The following ZC3H8 variants were observed in gnomAD, a reference collection of about 807,000 sequenced individuals.
The protein encoded by ZC3H8 is zinc finger CCCH domain-containing protein 8.
In ZC3H8, 27 loss-of-function variants were observed where a neutral mutation model predicts 42.5. The ratio of observed to expected loss-of-function variants is 0.64; its 90% CI spans 0.47 to 0.88. ZC3H8 has a LOEUF of 0.88. Among genes scored for constraint, ZC3H8 ranks in the 40% least tolerant of loss-of-function variants. ZC3H8 has a pLI of 0.00. For synonymous variants in ZC3H8, 101 were observed against 110.1 expected (o/e 0.92, Z 0.52); for missense variants, 277 against 336.1 (o/e 0.82, Z 1.37).
intron 8 of ZC3H8, among the ~76,000 whole-genome samples, chr2:112,226,744 G>A (rs900720711): frequency 2.6e-5 from 4 of 151,872 alleles, no homozygotes; most frequent in Non-Finnish European, 5.9e-5. Context: ...ACGAAAGCCA[G>A]AAAAAGACAT....
chr2:112,247,765 C>G (rs1242456624), intron 2 of ZC3H8, among the ~76,000 whole-genome samples: 2 of 152,206 alleles, frequency 1.3e-5, no homozygotes, highest in East Asian at 3.9e-4. Context: ...TTGTTTCTGC[C>G]TGTCTGCTGT....
chr2:112,228,317 C>T (rs939990379), intron 8 of ZC3H8, among the ~76,000 whole-genome samples: 1 of 152,038 alleles, frequency 6.6e-6, no homozygotes, highest in Non-Finnish European at 1.5e-5. Flanking sequence ...ACCTGGCCAA[C>T]ATAGTGAAAG....
intron 2 of ZC3H8, 76 bp downstream of exon 2, chr2:112,250,115 T>G (rs1451271503): frequency 1.1e-5 from 12 of 1,118,620 alleles, no homozygotes; most frequent in Non-Finnish European, 1.5e-5. Flanking sequence ...TGTTTTTTCT[T>G]TTTTTGTTGT....
At chr2:112,217,095 G>A (rs571390387) in intron 8 of ZC3H8, among the ~76,000 whole-genome samples, 18 of 152,236 alleles carry the variant, frequency 1.2e-4, no homozygotes, top group East Asian at 1.9e-4. Context: ...CAGACCAGGC[G>A]CGGTGGCTCA....
At chr2:112,227,591 CAAAAT>C (rs1205606810) in intron 8 of ZC3H8, among the ~76,000 whole-genome samples, 1 of 152,154 alleles carries the variant, frequency 6.6e-6, no homozygotes, top group Non-Finnish European at 1.5e-5. Flanking sequence ...CATGCACACA[CAAAAT>C]AAAACCTACT....
chr2:112,216,879 CAAAG>C lies in ZC3H8; in HGVS notation c.*16-415_*16-412del, dbSNP rs760512103. Among the ~76,000 whole-genome samples, 243 of 151,704 alleles carry C rather than the reference CAAAG, an allele frequency of 1.6e-3. 2 individuals carry two copies. Among genetic ancestry groups the C allele is most frequent in the Non-Finnish European group, 2.8e-3 (189 of 67,848 alleles). ...GAAGAAAGAAAAATTTAATAGAAAACAAAGAAAACACATTATAGAGAAAGAAACA... is the reference window on the plus strand; with the variant it reads ...GAAGAAAGAAAAATTTAATAGAAAACAAAACACATTATAGAGAAAGAAACA... On this transcript the variant is annotated intron_variant, in intron 8 of 8. Coordinates refer to ENST00000409573, the MANE Select transcript of ZC3H8 (RefSeq NM_032494.3).
chr2:112,245,838 C>A lies in ZC3H8; in HGVS notation c.156+4353G>T, dbSNP rs1196864223. On this transcript the variant is annotated intron_variant, in intron 2 of 8. Coordinates refer to ENST00000409573, the MANE Select transcript of ZC3H8 (RefSeq NM_032494.3). The stretch of plus-strand genomic sequence containing the variant: ...TTTCATAACTAGAGAGAAGTCAATA[C>A]CTCACTTCAAAGAATACCCTGACTT... Among the ~76,000 whole-genome samples, 4 of 152,274 alleles carry A rather than the reference C, an allele frequency of 2.6e-5. No individual in the cohort carries two copies. In the East Asian group the frequency reaches 7.7e-4, roughly 29 times the overall value.
chr2:112,244,138 T>C (rs983170575), intron 2 of ZC3H8, among the ~76,000 whole-genome samples: 1 of 151,926 alleles, frequency 6.6e-6, no homozygotes, highest in Non-Finnish European at 1.5e-5. Flanking sequence ...GAATTAAGAA[T>C]GCCAAGAATG....
At chr2:112,218,694 T>A (rs1041556823) in intron 8 of ZC3H8, among the ~76,000 whole-genome samples, 5 of 151,950 alleles carry the variant, frequency 3.3e-5, no homozygotes, top group Admixed American at 3.3e-4. Context: ...AGAGAGAGAG[T>A]CTACTTATGT....
chr2:112,229,794 T>C (rs1685012415), intron 8 of ZC3H8, among the ~76,000 whole-genome samples: 1 of 152,028 alleles, frequency 6.6e-6, no homozygotes, highest in Non-Finnish European at 1.5e-5. Context: ...TATAAACGTA[T>C]ACAGCAAAGC....
intron 2 of ZC3H8, 81 bp from the exon 3 acceptor site, chr2:112,238,609 C>G: frequency 8.5e-7 from 1 of 1,179,946 alleles, no homozygotes; most frequent in Non-Finnish European, 1.2e-6. Context: ...ACAAGATTGG[C>G]TATAAACTGG....
chr2:112,253,765 CT>C (rs888565681), intron 1 of ZC3H8, among the ~76,000 whole-genome samples: 2 of 151,992 alleles, frequency 1.3e-5, no homozygotes, highest in East Asian at 1.9e-4. Context: ...TTGCTATTAT[CT>C]TTTTTTTGTG....
chr2:112,240,264 T>C (rs1300467135), intron 2 of ZC3H8: 1 of 152,232 alleles, frequency 6.6e-6, no homozygotes, highest in African/African-American at 2.4e-5. Context: ...ATTTACATAT[T>C]GTCTTAGTTG....
At chr2:112,244,894 G>A (rs1203131577) in intron 2 of ZC3H8, among the ~76,000 whole-genome samples, 1 of 152,116 alleles carries the variant, frequency 6.6e-6, no homozygotes, top group Non-Finnish European at 1.5e-5. Context: ...CTAAGATACT[G>A]AAATTAGACT....
At chr2:112,229,731 T>C (rs529767635) in intron 8 of ZC3H8, among the ~76,000 whole-genome samples, 6 of 152,280 alleles carry the variant, frequency 3.9e-5, no homozygotes, top group Admixed American at 1.3e-4. Context: ...TAGTTGTTTT[T>C]GCTAAGCACC....
At chr2:112,245,856 C>A (rs1685743594) in intron 2 of ZC3H8, among the ~76,000 whole-genome samples, 1 of 152,122 alleles carries the variant, frequency 6.6e-6, no homozygotes, top group South Asian at 2.1e-4. Context: ...CAAAGAATAC[C>A]CTGACTTCAC....
chr2:112,229,035 G>T (rs960945132), intron 8 of ZC3H8, among the ~76,000 whole-genome samples: 1 of 152,172 alleles, frequency 6.6e-6, no homozygotes, highest in Non-Finnish European at 1.5e-5. Flanking sequence ...TAATCAAAAT[G>T]ACTGACAGTA....
Position 112,250,164 on chromosome 2 carries a change from C to T in ZC3H8, c.156+27G>A, listed in dbSNP as rs769452358. 1.8e-5 allele frequency: 27 copies of T among 1,517,372 alleles called. No individual in the cohort carries two copies. In the South Asian group the frequency reaches 3.2e-4, roughly 18 times the overall value. 94.0% of individuals were successfully genotyped at this position (1,517,372 alleles called of 1,614,324 possible). A position where few individuals can be genotyped will look rare whatever the true frequency, so the allele number is the denominator to read the frequency against. ...GAGAAAAAAAAATCTGCGTTTTCAA[C>T]TTAAACAGTGGTCAACTTAATCTTA... On this transcript the variant is annotated intron_variant, in intron 2 of 8. Transcript: ENST00000409573.
Position 112,238,458 on chromosome 2 carries a change from T to C in ZC3H8, c.227A>G (p.Tyr76Cys). 6.2e-7 allele frequency: 1 copy of C among 1,613,420 alleles called. No homozygotes were observed. Among genetic ancestry groups the C allele is most frequent in the Non-Finnish European group, 8.5e-7 (1 of 1,179,858 alleles). ...CTGACTGCAGATATCATTATCACTA[T>C]ATACATCATAGTCCTTACTTCTTGA... ...RKSRSKDYDV[Y>C]SDNDICSQES... is the part of the protein sequence containing the mutation. Residue 76 changes from tyrosine to cysteine, a missense_variant, in exon 3 of 9, where the codon TAT becomes TGT. Tyr to Cys is a radical substitution (Grantham distance 194). Coordinates refer to ENST00000409573, the MANE Select transcript of ZC3H8 (RefSeq NM_032494.3).
Sources: gnomAD v4.1 joint callset for allele counts (sites outside exome capture counted in the v4.1 genomes callset) on GRCh38, gnomAD v4.1.1 for gene constraint, MANE v1.5 for transcripts, NCBI Gene and HGNC (gene_info 2026-07-23, HGNC 2026-07-21) for gene names.